Variants in CBFA2T3 observed in about 807,000 individuals in gnomAD.
CBFA2T3 encodes the protein transcriptional corepressor CBFA2T3.
CBFA2T3 carries 31 observed loss-of-function variants against 58.6 expected under a neutral mutation model. The observed-to-expected ratio is 0.53, with a 90% confidence interval of 0.40 to 0.71. CBFA2T3 has a LOEUF of 0.71. Among genes scored for constraint, CBFA2T3 ranks in the 30% least tolerant of loss-of-function variants. The pLI, the probability that CBFA2T3 is intolerant of heterozygous loss-of-function variation, is 0.00. For synonymous variants in CBFA2T3, 531 were observed against 421.9 expected (o/e 1.26, Z -3.17); for missense variants, 1,076 against 963.1 (o/e 1.12, Z -1.55).
rs1968840954 is a variant in CBFA2T3 at position 88,876,660 on chromosome 16, C to T, written c.*316G>A. 2 of 344,810 alleles carry T rather than the reference C, an allele frequency of 5.8e-6. No homozygotes were observed. The highest frequency in any genetic ancestry group is 4.2e-5 in the African/African-American group (2 of 47,872). The allele number at this position is 344,810 out of a possible 1,614,324, so 21.4% of individuals were successfully genotyped here. A position where few individuals can be genotyped will look rare whatever the true frequency, so the allele number is the denominator to read the frequency against. On this transcript the variant is annotated 3_prime_UTR_variant, in exon 12 of 12. Transcript: ENST00000268679. The stretch of plus-strand genomic sequence containing the variant: ...GGAAAAGAGAGGTGGGCAGAGCCGC[C>T]GCGCCTGCGGCATCTGCTCTGCTGT...
chr16:88,910,458 C>T (rs558733140), intron 1 of CBFA2T3, among the ~76,000 whole-genome samples: 2 of 152,346 alleles, frequency 1.3e-5, no homozygotes, highest in South Asian at 4.1e-4. Context: ...ATTCAGCAAA[C>T]ACTTGCTGCG....
chr16:88,945,667 C>T (rs1281875673), intron 1 of CBFA2T3, among the ~76,000 whole-genome samples: 1 of 152,154 alleles, frequency 6.6e-6, no homozygotes, highest in East Asian at 1.9e-4. Flanking sequence ...CACGGACAAC[C>T]CCAGATGCCG....
intron 1 of CBFA2T3, among the ~76,000 whole-genome samples, chr16:88,949,167 C>T (rs955320945): frequency 2.0e-5 from 3 of 152,152 alleles, no homozygotes; most frequent in Non-Finnish European, 2.9e-5. Context: ...TTAAGGCAGC[C>T]GAGAAACTCT....
At chr16:88,946,366 T>C (rs1490136207) in intron 1 of CBFA2T3, among the ~76,000 whole-genome samples, 1 of 152,150 alleles carries the variant, frequency 6.6e-6, no homozygotes, top group Admixed American at 6.5e-5. Flanking sequence ...AAAGGCTATA[T>C]ACTGTCTGAT....
At chr16:88,923,064 C>T (rs1970973201) in intron 1 of CBFA2T3, among the ~76,000 whole-genome samples, 1 of 152,196 alleles carries the variant, frequency 6.6e-6, no homozygotes, top group African/African-American at 2.4e-5. Flanking sequence ...CTGCCTGCTC[C>T]CACCAGGTCC....
chr16:88,939,354 C>T (rs1971625029), intron 1 of CBFA2T3: 1 of 152,344 alleles, frequency 6.6e-6, no homozygotes, highest in Admixed American at 6.5e-5. Flanking sequence ...TCTCCCCTGT[C>T]ACTAGAGGAT....
At chr16:88,960,594 C>T (rs1972332947) in intron 1 of CBFA2T3, among the ~76,000 whole-genome samples, 1 of 152,342 alleles carries the variant, frequency 6.6e-6, no homozygotes, top group Non-Finnish European at 1.5e-5. Context: ...CCCCTTCTTC[C>T]TCCTTCCTGC....
rs145941212 is a variant in CBFA2T3 at position 88,892,543 on chromosome 16, C to T, written c.380-58G>A. 694 of 1,597,264 alleles carry T rather than the reference C, an allele frequency of 4.3e-4. 3 individuals carry two copies. The African/African-American group carries it at 6.6e-3, about 15-fold the overall frequency. ...GGTGATGGTGACAACACAACCCAGACGGCGGCGACAGTGAGGGAAGCAGCG... is the reference window on the plus strand; with the variant it reads ...GGTGATGGTGACAACACAACCCAGATGGCGGCGACAGTGAGGGAAGCAGCG... On this transcript the variant is annotated intron_variant, in intron 3 of 11. Coordinates refer to ENST00000268679, the MANE Select transcript of CBFA2T3 (RefSeq NM_005187.6).
intron 1 of CBFA2T3, among the ~76,000 whole-genome samples, chr16:88,925,196 G>C (rs1477453705): frequency 6.6e-6 from 1 of 152,214 alleles, no homozygotes; most frequent in Non-Finnish European, 1.5e-5. Flanking sequence ...TGCCCGGATT[G>C]GTCCTCTCCC....
At chr16:88,879,577 C>T (rs889648687) in intron 10 of CBFA2T3, 117 bp from the exon 11 acceptor site, 1 of 877,498 alleles carries the variant, frequency 1.1e-6, no homozygotes, top group Admixed American at 2.3e-5. Flanking sequence ...AACACACGTA[C>T]CATCTGTGCA....
chr16:88,959,009 T>C (rs1425995262), intron 1 of CBFA2T3, among the ~76,000 whole-genome samples: 1 of 152,102 alleles, frequency 6.6e-6, no homozygotes, highest in Non-Finnish European at 1.5e-5. Context: ...AGACAAGTGC[T>C]GTGTGCCCGG....
Position 88,976,789 on chromosome 16 carries a change from T to C in CBFA2T3, c.19A>G (p.Arg7Gly). The C allele has an allele frequency of 1.9e-6, 3 of 1,555,104 alleles. No individual in the cohort carries two copies. Among genetic ancestry groups the C allele is most frequent in the Non-Finnish European group, 2.6e-6 (3 of 1,148,928 alleles). Residue 7 changes from arginine to glycine, a missense_variant, in exon 1 of 12, where the codon AGG becomes GGG. Physicochemically the swap from Arg to Gly is moderately radical, Grantham distance 125. Coordinates refer to ENST00000268679, the MANE Select transcript of CBFA2T3 (RefSeq NM_005187.6). MPASRL[R>G]DRAASSASGS... ...GAGGCTGAACTGGCTGCCCTGTCCC[T>C]CAGTCTTGAAGCCGGCATGAGGAGG...
chr16:88,905,604 T>C (rs1212862133), intron 1 of CBFA2T3, among the ~76,000 whole-genome samples: 1 of 145,764 alleles, frequency 6.9e-6, no homozygotes, highest in Non-Finnish European at 1.5e-5. Flanking sequence ...GCTTAGGGGC[T>C]GGAGGAGAGC....
chr16:88,897,112 T>G (rs1385170777), intron 3 of CBFA2T3, among the ~76,000 whole-genome samples: 1 of 152,192 alleles, frequency 6.6e-6, no homozygotes, highest in African/African-American at 2.4e-5. Context: ...CAGCCCCTCC[T>G]GTCACCCCTG....
intron 7 of CBFA2T3, chr16:88,883,692 C>A (rs575825124): frequency 6.6e-6 from 1 of 150,750 alleles, no homozygotes; most frequent in Non-Finnish European, 1.5e-5. Flanking sequence ...TGAGTGACCC[C>A]GGCAGTGGCC....
intron 1 of CBFA2T3, among the ~76,000 whole-genome samples, chr16:88,910,370 C>T (rs943475463): frequency 6.6e-6 from 1 of 152,236 alleles, no homozygotes; most frequent in African/African-American, 2.4e-5. Context: ...CTTCTCTTCT[C>T]TTGTGGATGC....
At chr16:88,935,546 C>T (rs1028582165) in intron 1 of CBFA2T3, among the ~76,000 whole-genome samples, 8 of 152,226 alleles carry the variant, frequency 5.3e-5, no homozygotes, top group African/African-American at 1.9e-4. Flanking sequence ...CCCGGGGGCC[C>T]AGGGCTTGGC....
At chr16:88,892,516 A>C (rs748646630) in intron 3 of CBFA2T3, 31 bp from the exon 4 acceptor site, 1 of 1,608,332 alleles carries the variant, frequency 6.2e-7, no homozygotes, top group Non-Finnish European at 8.5e-7. Context: ...TGAGGACACA[A>C]AGGTGATGGT....
intron 8 of CBFA2T3, 93 bp from the exon 9 acceptor site, chr16:88,881,582 T>C (rs936079912): frequency 1.5e-6 from 2 of 1,334,948 alleles, no homozygotes; most frequent in East Asian, 2.4e-5. Context: ...CCGGACAGGA[T>C]GGGTGCCCGA....
Sources: allele counts gnomAD v4.1 joint callset (sites outside exome capture counted in the v4.1 genomes callset), GRCh38; gene constraint gnomAD v4.1.1; transcripts MANE v1.5; gene names NCBI Gene and HGNC (gene_info 2026-07-23, HGNC 2026-07-21).